The following ERI3 variants were observed in gnomAD, a reference collection of about 807,000 sequenced individuals.
ERI3 encodes the protein ERI1 exoribonuclease family member 3.
ERI3 carries 18 observed loss-of-function variants against 44.4 expected under a neutral mutation model. That is an observed-to-expected ratio of 0.41 (90% CI 0.28 to 0.60). The LOEUF is 0.60. Ranked by LOEUF, ERI3 falls within the 20% of genes least tolerant of loss-of-function variation. The pLI, the probability that ERI3 is intolerant of heterozygous loss-of-function variation, is 0.36. For synonymous variants in ERI3, 183 were observed against 164.8 expected, an observed-to-expected ratio of 1.11 and a Z score of -0.84; for missense variants, 294 against 435.5, an observed-to-expected ratio of 0.68 and a Z score of 2.89.
At chr1:44,243,939 T>A (rs1644497967) in intron 8 of ERI3, 1 of 152,190 alleles carries the variant, frequency 6.6e-6, no homozygotes, top group Non-Finnish European at 1.5e-5. Context: ...TCCTGGCTCC[T>A]CAACCAACTG....
chr1:44,319,287 T>TGAAATCTTTACCTCTTGCCAAGGG (rs1208410772), intron 4 of ERI3, among the ~76,000 whole-genome samples: 1 of 152,256 alleles, frequency 6.6e-6, no homozygotes, highest in Non-Finnish European at 1.5e-5. Flanking sequence ...TCCAAGTGGC[T>TGAAATCTTTACCTCTTGCCAAGGG]GAAATCTTTA....
At chr1:44,351,176 G>A (rs551815507) in intron 2 of ERI3, among the ~76,000 whole-genome samples, 4 of 152,134 alleles carry the variant, frequency 2.6e-5, no homozygotes, top group African/African-American at 4.8e-5. Context: ...TGGGATTATA[G>A]ATGTGCACCA....
chr1:44,223,573 C>G (rs1272848941), intron 8 of ERI3, among the ~76,000 whole-genome samples: 1 of 152,136 alleles, frequency 6.6e-6, no homozygotes, highest in East Asian at 1.9e-4. Context: ...CTGCAATTAC[C>G]CAGCGGCCAC....
At chr1:44,291,405 G>GA (rs1483790864) in intron 6 of ERI3, among the ~76,000 whole-genome samples, 1 of 152,194 alleles carries the variant, frequency 6.6e-6, no homozygotes, top group Admixed American at 6.5e-5. Flanking sequence ...AACAGGAAGA[G>GA]AAAAGCACTG....
rs115700758 is a variant in ERI3 at position 44,225,663 on chromosome 1, C to G, written c.932-4023G>C. Among the ~76,000 whole-genome samples, 63 of 152,268 alleles carry G rather than the reference C, an allele frequency of 4.1e-4. No homozygotes were observed. The East Asian group carries it at 0.012, about 28-fold the overall frequency. On this transcript the variant is annotated intron_variant, in intron 8 of 8. Coordinates refer to ENST00000372257, the MANE Select transcript of ERI3 (RefSeq NM_024066.3). ...CAAGGACAGTCAAATGTCTGCCTGA[C>G]AATCTCCACACAGAAGGGTTGCTCA...
At chr1:44,233,995 A>C (rs910734700) in intron 8 of ERI3, among the ~76,000 whole-genome samples, 3 of 152,106 alleles carry the variant, frequency 2.0e-5, no homozygotes, top group Non-Finnish European at 4.4e-5. Context: ...CACTCCTTGA[A>C]GCTCTCTTCC....
At chr1:44,314,799 T>C (rs1379886325) in intron 4 of ERI3, among the ~76,000 whole-genome samples, 1 of 152,186 alleles carries the variant, frequency 6.6e-6, no homozygotes, top group Non-Finnish European at 1.5e-5. Context: ...GAACTAGAGA[T>C]CCGGCAGTGA....
At chr1:44,263,303 T>C (rs1644929331) in intron 7 of ERI3, among the ~76,000 whole-genome samples, 1 of 152,154 alleles carries the variant, frequency 6.6e-6, no homozygotes. Flanking sequence ...AGAAGGAGAT[T>C]GTACAGTCTC....
At chr1:44,259,321 A>G (rs1419169759) in intron 7 of ERI3, among the ~76,000 whole-genome samples, 5 of 151,958 alleles carry the variant, frequency 3.3e-5, no homozygotes, top group Non-Finnish European at 7.4e-5. Context: ...GGGGAAGGGC[A>G]GAGGTGGGGT....
Position 44,313,244 on chromosome 1 carries a change from A to C in ERI3, c.607-16T>G. 1.2e-6 allele frequency: 2 copies of C among 1,613,500 alleles called. No homozygotes were observed. The highest frequency in any genetic ancestry group is 1.7e-6 in the Non-Finnish European group (2 of 1,179,568). On this transcript the variant is annotated splice_polypyrimidine_tract_variant and intron_variant, in intron 4 of 8. Transcript: ENST00000372257. ...TCCCGGTGAGCTGAAAGGAAAGAGA[A>C]ATAGCCGATGGGTAGAAAACCAGGG...
chr1:44,343,320 T>C (rs189955170), intron 2 of ERI3, among the ~76,000 whole-genome samples: 55 of 152,256 alleles, frequency 3.6e-4, no homozygotes, highest in African/African-American at 1.1e-3. Flanking sequence ...CCCCACAAAA[T>C]ACTTATTAAT....
In ERI3 at chr1:44,310,919, C is replaced by T. The variant is rs142523811; in HGVS notation, c.666+2250G>A. ...CTTCCACTGCTAAATGGTCTCTCTC[C>T]TCTGACCCAACTCCTTGCATGTATG... is the stretch of plus-strand genomic sequence containing the variant. On this transcript the variant is annotated intron_variant, in intron 5 of 8. Transcript: ENST00000372257. Among the ~76,000 whole-genome samples the T allele has an allele frequency of 2.8e-3, 428 of 151,066 alleles. 4 individuals carry two copies. The highest frequency in any genetic ancestry group is 0.017 in the Middle Eastern group (5 of 290).
chr1:44,309,843 G>A (rs1260384472), intron 5 of ERI3, among the ~76,000 whole-genome samples: 1 of 152,006 alleles, frequency 6.6e-6, no homozygotes, highest in African/African-American at 2.4e-5. Context: ...GATTACAGGG[G>A]TAAGCCACCA....
intron 2 of ERI3, among the ~76,000 whole-genome samples, chr1:44,351,313 C>G (rs1459007166): frequency 6.6e-6 from 1 of 152,138 alleles, no homozygotes; most frequent in Non-Finnish European, 1.5e-5. Context: ...GGATTACAGG[C>G]GTGAGCCACC....
intron 2 of ERI3, 103 bp downstream of exon 2, chr1:44,352,746 TG>T: frequency 7.9e-7 from 1 of 1,270,300 alleles, no homozygotes; most frequent in Non-Finnish European, 1.1e-6. Flanking sequence ...TGGGGATACA[TG>T]GGAAAAAAAA....
chr1:44,290,100 G>A (rs78039162), intron 6 of ERI3, among the ~76,000 whole-genome samples: 1 of 152,338 alleles, frequency 6.6e-6, no homozygotes, highest in East Asian at 1.9e-4. Flanking sequence ...GACTCTGGAG[G>A]CCTCCTTGGC....
chr1:44,338,036 A>G (rs551994613), intron 3 of ERI3, among the ~76,000 whole-genome samples: 7 of 152,312 alleles, frequency 4.6e-5, no homozygotes, highest in Admixed American at 3.3e-4. Context: ...CAAACACCAC[A>G]TACTTCAATA....
At chr1:44,301,909 C>T (rs1032129390) in intron 6 of ERI3, among the ~76,000 whole-genome samples, 3 of 152,378 alleles carry the variant, frequency 2.0e-5, no homozygotes, top group African/African-American at 2.4e-5. Flanking sequence ...AAACAGCACA[C>T]AGCCCTACAA....
intron 6 of ERI3, among the ~76,000 whole-genome samples, chr1:44,307,892 A>G (rs1447680272): frequency 6.6e-6 from 1 of 152,236 alleles, no homozygotes; most frequent in Non-Finnish European, 1.5e-5. Context: ...TTACTCCCTC[A>G]GCTATAAAAT....
Sources: allele counts gnomAD v4.1 joint callset (sites outside exome capture counted in the v4.1 genomes callset), GRCh38; gene constraint gnomAD v4.1.1; transcripts MANE v1.5; gene names NCBI Gene and HGNC (gene_info 2026-07-23, HGNC 2026-07-21).